CAST: variants seen among roughly 807,000 people sequenced by gnomAD.
The protein encoded by CAST is calpastatin, also known as MIR583 host.
Under a neutral mutation model 119.6 loss-of-function variants are expected in CAST, and 76 were observed. The ratio of observed to expected loss-of-function variants is 0.64; its 90% CI spans 0.53 to 0.77. The LOEUF (loss-of-function observed/expected upper bound fraction) is 0.77. Among genes scored for constraint, CAST ranks in the 30% least tolerant of loss-of-function variants. CAST has a pLI of 0.00. For missense variants in CAST, 953 were observed against 946.5 expected (o/e 1.01, Z -0.09); for synonymous variants, 319 against 331.6 (o/e 0.96, Z 0.41).
chr5:96,399,756 A>C, the CAST span, among the ~76,000 whole-genome samples: 1 of 152,202 alleles, frequency 6.6e-6, no homozygotes, highest in Admixed American at 6.5e-5. Context: ...TACAAGAGGA[A>C]CATGCAAATG....
chr5:96,393,271 G>A, the CAST span: 4 of 1,613,958 alleles, frequency 2.5e-6, no homozygotes, highest in Non-Finnish European at 2.5e-6. Context: ...GCATGGCCTG[G>A]GAAGGGGCTC....
the CAST span, among the ~76,000 whole-genome samples, chr5:96,044,791 G>T: frequency 1.2e-4 from 18 of 152,142 alleles, no homozygotes; most frequent in African/African-American, 4.1e-4. Flanking sequence ...TACAGTATTT[G>T]CTGGAATACT....
chr5:96,211,985 G>T, the CAST span, among the ~76,000 whole-genome samples: 1 of 151,942 alleles, frequency 6.6e-6, no homozygotes. Context: ...ATTCCCTGTT[G>T]TATTAGTATT....
At chr5:96,665,208 G>A (rs906788033) in intron 1 of CAST, among the ~76,000 whole-genome samples, 4 of 152,130 alleles carry the variant, frequency 2.6e-5, no homozygotes, top group South Asian at 4.1e-4. Flanking sequence ...AACATAATGT[G>A]AGCCACGTCT....
chr5:96,757,940 C>T (rs528176300), intron 24 of CAST, among the ~76,000 whole-genome samples: 29 of 152,192 alleles, frequency 1.9e-4, no homozygotes, highest in East Asian at 5.8e-4. Flanking sequence ...CCGCCCACCT[C>T]GGCCTCTGAA....
chr5:96,150,617 G>T, the CAST span, among the ~76,000 whole-genome samples: 167 of 152,270 alleles, frequency 1.1e-3, 1 homozygote, highest in East Asian at 0.014. Context: ...TTCCATAGTT[G>T]ACTGGGTAAA....
At chr5:96,146,531 C>A in the CAST span, among the ~76,000 whole-genome samples, 1 of 152,226 alleles carries the variant, frequency 6.6e-6, no homozygotes, top group African/African-American at 2.4e-5. Flanking sequence ...ACTTTGAGAA[C>A]CACTGCTTTA....
At chr5:96,263,718 G>A in the CAST span, among the ~76,000 whole-genome samples, 1 of 152,162 alleles carries the variant, frequency 6.6e-6, no homozygotes, top group African/African-American at 2.4e-5. Flanking sequence ...TAGTACCTGA[G>A]ACCAGGTAAT....
At chr5:96,038,543 C>A in the CAST span, among the ~76,000 whole-genome samples, 3 of 149,650 alleles carry the variant, frequency 2.0e-5, no homozygotes, top group Non-Finnish European at 4.5e-5. Context: ...CCCCGCAGGC[C>A]CTGGTGTGTG....
the CAST span, among the ~76,000 whole-genome samples, chr5:96,255,694 C>T: frequency 6.6e-6 from 1 of 152,032 alleles, no homozygotes; most frequent in Admixed American, 6.6e-5. Flanking sequence ...AGTTTTAACT[C>T]ATGTTACAAT....
chr5:95,998,424 T>C, the CAST span, among the ~76,000 whole-genome samples: 4 of 152,118 alleles, frequency 2.6e-5, no homozygotes, highest in Admixed American at 2.0e-4. Context: ...TCATCCCACC[T>C]TTTGTAGACT....
chr5:96,281,828 C>T, the CAST span, among the ~76,000 whole-genome samples: 74 of 152,204 alleles, frequency 4.9e-4, no homozygotes, highest in Non-Finnish European at 7.9e-4. Flanking sequence ...TTTTATTCTA[C>T]GTATTGTGTA....
chr5:96,642,849 A>C (rs1175824819), intron 1 of CAST, among the ~76,000 whole-genome samples: 1 of 152,164 alleles, frequency 6.6e-6, no homozygotes. Context: ...ACGCCCATCC[A>C]AATACATATA....
chr5:96,701,466 A>G (rs1753880002), intron 3 of CAST, among the ~76,000 whole-genome samples: 1 of 152,176 alleles, frequency 6.6e-6, no homozygotes, highest in African/African-American at 2.4e-5. Context: ...GACAATACTA[A>G]TGATCAACAA....
At chr5:96,746,476 GT>G (rs1763791021) in intron 17 of CAST, 51 bp downstream of exon 17, 3 of 1,020,228 alleles carry the variant, frequency 2.9e-6, no homozygotes, top group Non-Finnish European at 4.7e-6. Context: ...TTTGCATCTT[GT>G]TTTGTTGTAT....
At chr5:96,388,826 T>C in the CAST span, among the ~76,000 whole-genome samples, 2 of 152,234 alleles carry the variant, frequency 1.3e-5, no homozygotes, top group Non-Finnish European at 2.9e-5. Context: ...GTAGAGACCA[T>C]CTATGGAAAT....
the CAST span, among the ~76,000 whole-genome samples, chr5:96,261,428 C>T: frequency 6.6e-6 from 1 of 152,164 alleles, no homozygotes; most frequent in Non-Finnish European, 1.5e-5. Flanking sequence ...GCTATTACCC[C>T]CCCATCCAGG....
At chr5:96,072,878 C>T in the CAST span, among the ~76,000 whole-genome samples, 1 of 152,236 alleles carries the variant, frequency 6.6e-6, no homozygotes, top group Non-Finnish European at 1.5e-5. Context: ...CGATTCTAGT[C>T]AAAATCCCAA....
intron 3 of CAST, among the ~76,000 whole-genome samples, chr5:96,697,317 G>T (rs1006915045): frequency 2.0e-5 from 3 of 151,838 alleles, no homozygotes; most frequent in African/African-American, 7.3e-5. Flanking sequence ...AAAACTGGTG[G>T]CTATCTTATG....
Sources: allele counts gnomAD v4.1 joint callset (sites outside exome capture counted in the v4.1 genomes callset), GRCh38; gene constraint gnomAD v4.1.1; transcripts MANE v1.5; gene names NCBI Gene and HGNC (gene_info 2026-07-23, HGNC 2026-07-21).